The following IBTK variants were observed in gnomAD, a reference collection of about 807,000 sequenced individuals.
IBTK encodes BTK-binding protein.
A neutral mutation model predicts 154.9 loss-of-function variants in IBTK; 83 were observed. That is an observed-to-expected ratio of 0.54 (90% CI 0.45 to 0.64). IBTK has a LOEUF of 0.64. Among genes scored for constraint, IBTK ranks in the 30% least tolerant of loss-of-function variants. The probability of loss-of-function intolerance (pLI) is 0.00; values close to 1 mark genes in which losing one functional copy is unlikely to be tolerated. For missense variants in IBTK, 1,332 were observed against 1,584.6 expected (o/e 0.84, Z 2.71); for synonymous variants, 515 against 536.1 (o/e 0.96, Z 0.54).
At chr6:82,237,459 AG>A (rs566144966) in intron 2 of IBTK, among the ~76,000 whole-genome samples, 1 of 152,238 alleles carries the variant, frequency 6.6e-6, no homozygotes, top group South Asian at 2.1e-4. Flanking sequence ...GGAAAAAAAA[AG>A]GAAAGTGCTA....
chr6:82,216,536 C>A (rs539702198), intron 10 of IBTK, among the ~76,000 whole-genome samples: 9 of 152,266 alleles, frequency 5.9e-5, no homozygotes, highest in Admixed American at 3.3e-4. Context: ...TTCTAAAAAG[C>A]AAATCTAGTG....
In IBTK at chr6:82,202,429, G is replaced by A. The variant is rs1002702068; in HGVS notation, c.2729+99C>T. ...CATTGATCAAATTCTTTCCATCCAG[G>A]TAAACATCATTATTCACATTTAAAT... On this transcript the variant is annotated intron_variant, in intron 18 of 28. Coordinates refer to ENST00000306270, the MANE Select transcript of IBTK (RefSeq NM_015525.4). 8 of 724,378 alleles carry A rather than the reference G, an allele frequency of 1.1e-5. No homozygotes were observed. The Admixed American group carries it at 2.0e-4, about 18-fold the overall frequency. 44.9% of individuals were successfully genotyped at this position (724,378 alleles called of 1,614,324 possible). A position where few individuals can be genotyped will look rare whatever the true frequency, so the allele number is the denominator to read the frequency against.
In IBTK at chr6:82,170,502, C is replaced by G. The variant is rs1767897029; in HGVS notation, c.*923G>C. 6.6e-6 allele frequency: 1 copy of G among 152,128 alleles called. No homozygotes were observed. The highest frequency in any genetic ancestry group is 2.1e-4 in the South Asian group (1 of 4,826). The allele number at this position is 152,128 out of a possible 1,614,324, so 9.4% of individuals were successfully genotyped here. On this transcript the variant is annotated 3_prime_UTR_variant, in exon 29 of 29. Transcript: ENST00000306270. Reference sequence around the variant, plus strand: ...GAAACAAACCAAACAACATCCTATACAGAAAACAATTTTTATGTCTAGATA... The same window carrying G: ...GAAACAAACCAAACAACATCCTATAGAGAAAACAATTTTTATGTCTAGATA...
rs1253933824 is a variant in IBTK at position 82,201,552 on chromosome 6, C to T, written c.2730-70G>A. ...TGATAACTGTCAAGTTGCTTACATA[C>T]GTAGATATTTCATATTGCTAGATAA... On this transcript the variant is annotated intron_variant, in intron 18 of 28. Coordinates refer to ENST00000306270, the MANE Select transcript of IBTK (RefSeq NM_015525.4). The T allele has an allele frequency of 1.1e-5, 11 of 1,024,670 alleles. No individual in the cohort carries two copies. In the Admixed American group the frequency reaches 1.1e-4, roughly 11 times the overall value. 63.5% of individuals were successfully genotyped at this position (1,024,670 alleles called of 1,614,324 possible).
chr6:82,198,962 AAG>A (rs1410036929), intron 21 of IBTK, among the ~76,000 whole-genome samples: 1 of 152,130 alleles, frequency 6.6e-6, no homozygotes, highest in African/African-American at 2.4e-5. Context: ...CTAATAAGCA[AAG>A]ATAATATGAA....
At chr6:82,234,130 C>A (rs762252198) in intron 3 of IBTK, 29 bp downstream of exon 3, 1 of 1,166,444 alleles carries the variant, frequency 8.6e-7, no homozygotes, top group East Asian at 2.4e-5. Context: ...TGAGCCGCAG[C>A]GCCCAGCCCA....
chr6:82,197,521 C>G (rs1414215446), intron 21 of IBTK, among the ~76,000 whole-genome samples: 1 of 152,056 alleles, frequency 6.6e-6, no homozygotes, highest in Non-Finnish European at 1.5e-5. Flanking sequence ...AGGCATGCAC[C>G]ACCATGCCCG....
chr6:82,173,797 T>TA (rs1451238658), intron 26 of IBTK, among the ~76,000 whole-genome samples: 37 of 151,706 alleles, frequency 2.4e-4, no homozygotes, highest in Admixed American at 2.4e-3. Context: ...AAATATAAAA[T>TA]ATGATCTTTA....
At position 82,171,391 on chromosome 6, in the gene IBTK, A is replaced by G; in HGVS notation, c.*34T>C. 6.3e-7 allele frequency: 1 copy of G among 1,580,238 alleles called. No homozygotes were observed. The highest frequency in any genetic ancestry group is 8.6e-7 in the Non-Finnish European group (1 of 1,161,180). On this transcript the variant is annotated 3_prime_UTR_variant, in exon 29 of 29. Coordinates refer to ENST00000306270, the MANE Select transcript of IBTK (RefSeq NM_015525.4). ...CTTTTCTTTATATGAACAAACTCAT[A>G]ATTATGTAAAATGCATCTCAACTCC... is the stretch of plus-strand genomic sequence containing the variant.
chr6:82,216,118 C>T lies in IBTK; in HGVS notation c.1559G>A (p.Ser520Asn). 1 of 1,612,392 alleles carries T rather than the reference C, an allele frequency of 6.2e-7. No individual in the cohort carries two copies. The highest frequency in any genetic ancestry group is 1.3e-5 in the African/African-American group (1 of 74,978). Residue 520 changes from serine (S) to asparagine (N), a missense_variant, in exon 11 of 29, where the codon AGT (serine) becomes AAT (asparagine). Physicochemically the swap from Ser to Asn is conservative, Grantham distance 46. Transcript: ENST00000306270. The stretch of plus-strand genomic sequence containing the variant: ...CTGCAGGATTGCAAAGTTGCATCCA[C>T]TTGGATCTGTGCTGACACTAACAGC... ...HRAVSVSTDP[S>N]GCNFAILQSD...
intron 4 of IBTK, among the ~76,000 whole-genome samples, chr6:82,229,835 T>C (rs181512117): frequency 1.3e-5 from 2 of 150,676 alleles, no homozygotes; most frequent in Admixed American, 1.3e-4. Flanking sequence ...CCTACTTCTC[T>C]AGCCACTTTT....
chr6:82,192,265 A>G (rs1171108030), intron 23 of IBTK, among the ~76,000 whole-genome samples: 2 of 152,180 alleles, frequency 1.3e-5, no homozygotes, highest in Non-Finnish European at 2.9e-5. Context: ...TTAAATTCTT[A>G]CCTTTAGGTT....
chr6:82,234,121 G>C (rs569908483), intron 3 of IBTK, 38 bp downstream of exon 3: 5 of 1,037,994 alleles, frequency 4.8e-6, no homozygotes, highest in Non-Finnish European at 7.4e-6. Context: ...TTACAGGTGT[G>C]AGCCGCAGCG....
intron 10 of IBTK, 77 bp from the exon 11 acceptor site, chr6:82,216,327 G>C: frequency 1.1e-6 from 1 of 925,650 alleles, no homozygotes; most frequent in Non-Finnish European, 1.6e-6. Context: ...AAATGGAATA[G>C]AAAAGGAGTT....
intron 9 of IBTK, 28 bp downstream of exon 9, chr6:82,220,562 T>C (rs1770057669): frequency 6.3e-7 from 1 of 1,578,806 alleles, no homozygotes; most frequent in African/African-American, 1.4e-5. Context: ...GAGAGTAAGA[T>C]TACACTTTTA....
At chr6:82,215,995 T>C in intron 11 of IBTK, 81 bp downstream of exon 11, 1 of 1,007,706 alleles carries the variant, frequency 9.9e-7, no homozygotes, top group Non-Finnish European at 1.5e-6. Flanking sequence ...TTCAATTAAA[T>C]TTGCACCAGC....
chr6:82,240,187 A>G lies in IBTK; in HGVS notation c.300T>C (p.Asp100=), dbSNP rs902965414. ...LHRSIFYGHI[D]CVWSLLKHGV... ...TTACCTTCAATAGAGACCAAACACA[A>G]TCAATATGTCCATAAAAAATGCTTC... The change falls in exon 2 of 29, where the codon GAT becomes GAC. Residue 100 remains aspartate, a synonymous_variant. Coordinates refer to ENST00000306270, the MANE Select transcript of IBTK (RefSeq NM_015525.4). The G allele has an allele frequency of 4.3e-6, 7 of 1,613,560 alleles. No individual in the cohort carries two copies. In the African/African-American group the frequency reaches 9.3e-5, roughly 22 times the overall value.
intron 21 of IBTK, among the ~76,000 whole-genome samples, chr6:82,197,962 T>A (rs1403034075): frequency 6.6e-6 from 1 of 152,220 alleles, no homozygotes; most frequent in African/African-American, 2.4e-5. Flanking sequence ...CTTTTAGTTA[T>A]CTTTGACTAC....
At chr6:82,219,442 A>G (rs1769989277) in intron 9 of IBTK, among the ~76,000 whole-genome samples, 1 of 152,156 alleles carries the variant, frequency 6.6e-6, no homozygotes. Flanking sequence ...TTTTAATTTG[A>G]TAAGTAAAAC....
Sources: gnomAD v4.1 joint callset for allele counts (sites outside exome capture counted in the v4.1 genomes callset) on GRCh38, gnomAD v4.1.1 for gene constraint, MANE v1.5 for transcripts, NCBI Gene and HGNC (gene_info 2026-07-23, HGNC 2026-07-21) for gene names.